Variants in PRKCB observed in about 807,000 individuals in gnomAD.
PRKCB encodes the protein protein kinase C beta.
In PRKCB, 13 loss-of-function variants were observed where a neutral mutation model predicts 81.5. The observed-to-expected ratio is 0.16, with a 90% CI of 0.10 to 0.25. PRKCB has a LOEUF of 0.25. Ranked by LOEUF, PRKCB falls within the 10% of genes least tolerant of loss-of-function variation. PRKCB has a pLI of 1.00. For synonymous variants in PRKCB, 335 were observed against 321.4 expected (o/e 1.04, Z -0.45); for missense variants, 509 against 875.7 (o/e 0.58, Z 5.29).
chr16:23,923,443 G>T (rs1963853532), intron 2 of PRKCB, among the ~76,000 whole-genome samples: 1 of 151,970 alleles, frequency 6.6e-6, no homozygotes, highest in African/African-American at 2.4e-5. Context: ...TAGCTACTAG[G>T]GCCAGTGAAA....
chr16:23,995,149 C>A (rs1156294109), intron 3 of PRKCB, among the ~76,000 whole-genome samples: 6 of 152,146 alleles, frequency 3.9e-5, no homozygotes, highest in Non-Finnish European at 2.9e-5. Flanking sequence ...TGCATCTGGA[C>A]CCTTCTACAT....
At chr16:23,962,500 G>T (rs953683715) in intron 2 of PRKCB, among the ~76,000 whole-genome samples, 1 of 152,100 alleles carries the variant, frequency 6.6e-6, no homozygotes, top group Non-Finnish European at 1.5e-5. Flanking sequence ...TCACTTATTT[G>T]GGAACCTCTA....
chr16:23,858,576 T>C (rs1962612472), intron 2 of PRKCB, among the ~76,000 whole-genome samples: 1 of 151,906 alleles, frequency 6.6e-6, no homozygotes. Flanking sequence ...AGTTTGCACA[T>C]GTGTAGATTT....
chr16:24,064,691 T>C (rs1325056900), intron 5 of PRKCB, among the ~76,000 whole-genome samples: 1 of 152,128 alleles, frequency 6.6e-6, no homozygotes, highest in Non-Finnish European at 1.5e-5. Context: ...CCTATTATGA[T>C]TCTGGGTTTT....
At chr16:24,167,100 C>A (rs148931549) in intron 10 of PRKCB, among the ~76,000 whole-genome samples, 50 of 150,732 alleles carry the variant, frequency 3.3e-4, no homozygotes, top group Non-Finnish European at 6.0e-4. Flanking sequence ...TTCTCTTCAA[C>A]GTGCAGCAAA....
intron 2 of PRKCB, among the ~76,000 whole-genome samples, chr16:23,976,495 C>T (rs1964628106): frequency 6.6e-6 from 1 of 152,214 alleles, no homozygotes; most frequent in Non-Finnish European, 1.5e-5. Flanking sequence ...CCCATGTCCA[C>T]CCTTAGAGCC....
chr16:24,112,396 G>T (rs139316866), intron 7 of PRKCB, among the ~76,000 whole-genome samples: 2 of 152,224 alleles, frequency 1.3e-5, no homozygotes, highest in African/African-American at 4.8e-5. Context: ...AATTAGCTGG[G>T]CATGGTGGCA....
intron 2 of PRKCB, among the ~76,000 whole-genome samples, chr16:23,863,155 T>C (rs1035611976): frequency 3.4e-5 from 5 of 147,210 alleles, no homozygotes; most frequent in African/African-American, 5.0e-5. Context: ...TGTATATATA[T>C]ACACATGCAT....
intron 12 of PRKCB, 129 bp from the exon 13 acceptor site, chr16:24,180,661 G>A: frequency 9.1e-7 from 1 of 1,103,536 alleles, no homozygotes. Flanking sequence ...GGAGGTCAAA[G>A]GCTGGTTTCT....
At chr16:24,015,609 C>T (rs1296651484) in intron 3 of PRKCB, among the ~76,000 whole-genome samples, 1 of 152,240 alleles carries the variant, frequency 6.6e-6, no homozygotes, top group East Asian at 1.9e-4. Flanking sequence ...CGCCTGGTTA[C>T]ACCCTCTAAT....
chr16:23,888,189 T>C (rs1433523921), intron 2 of PRKCB, among the ~76,000 whole-genome samples: 1 of 152,200 alleles, frequency 6.6e-6, no homozygotes, highest in African/African-American at 2.4e-5. Flanking sequence ...TTCTCACCAA[T>C]AAATCAATGC....
At chr16:23,973,298 C>T (rs1180070869) in intron 2 of PRKCB, among the ~76,000 whole-genome samples, 1 of 152,096 alleles carries the variant, frequency 6.6e-6, no homozygotes, top group African/African-American at 2.4e-5. Flanking sequence ...TCTCCTGCAT[C>T]AGCCTCCCAA....
chr16:23,874,913 G>A (rs1962969752), intron 2 of PRKCB, among the ~76,000 whole-genome samples: 1 of 151,908 alleles, frequency 6.6e-6, no homozygotes. Context: ...CTTAATACTT[G>A]CTCATGTTAA....
chr16:24,120,092 G>A (rs1185570971), intron 8 of PRKCB, among the ~76,000 whole-genome samples: 2 of 152,168 alleles, frequency 1.3e-5, no homozygotes, highest in East Asian at 3.9e-4. Flanking sequence ...AAAGAAGCCA[G>A]GCACAAGAGT....
At chr16:23,977,027 A>G (rs1964636158) in intron 2 of PRKCB, among the ~76,000 whole-genome samples, 1 of 152,212 alleles carries the variant, frequency 6.6e-6, no homozygotes, top group Admixed American at 6.5e-5. Flanking sequence ...GTTGCTGACC[A>G]CTGCAAAATT....
intron 2 of PRKCB, among the ~76,000 whole-genome samples, chr16:23,905,046 T>A (rs567926309): frequency 1.7e-5 from 1 of 58,394 alleles, no homozygotes; most frequent in East Asian, 5.6e-4. Context: ...TTTTTTCTTT[T>A]TTTTTTTTTT....
intron 2 of PRKCB, among the ~76,000 whole-genome samples, chr16:23,905,663 C>T (rs1963547948): frequency 6.6e-6 from 1 of 152,270 alleles, no homozygotes; most frequent in East Asian, 1.9e-4. Context: ...AGTAATTTTC[C>T]AAGCATGTGC....
At position 24,216,187 on chromosome 16, in the gene PRKCB, G is replaced by C. The variant is rs1438613525; in HGVS notation, c.*1371G>C. ...GTGGCCCATTCAGGGGCTGCTGGTGGGCTGTAGTGGGGTGGGATGACCTGG... is the reference window on the plus strand; with the variant it reads ...GTGGCCCATTCAGGGGCTGCTGGTGCGCTGTAGTGGGGTGGGATGACCTGG... On this transcript the variant is annotated 3_prime_UTR_variant, in exon 17 of 17. Coordinates refer to ENST00000643927, the MANE Select transcript of PRKCB (RefSeq NM_002738.7). 1.0e-6 allele frequency: 1 copy of C among 985,356 alleles called. No individual in the cohort carries two copies. Among genetic ancestry groups the C allele is most frequent in the East Asian group, 1.1e-4 (1 of 8,824 alleles). 61.0% of individuals were successfully genotyped at this position (985,356 alleles called of 1,614,324 possible). A position where few individuals can be genotyped will look rare whatever the true frequency, so the allele number is the denominator to read the frequency against.
Position 24,215,484 on chromosome 16 carries a change from G to C in PRKCB, c.*668G>C. 11 of 985,700 alleles carry C rather than the reference G, an allele frequency of 1.1e-5. No homozygotes were observed. The highest frequency in any genetic ancestry group is 1.3e-5 in the Non-Finnish European group (11 of 829,928). 61.1% of individuals were successfully genotyped at this position (985,700 alleles called of 1,614,324 possible). On this transcript the variant is annotated 3_prime_UTR_variant, in exon 17 of 17. Coordinates refer to ENST00000643927, the MANE Select transcript of PRKCB (RefSeq NM_002738.7). ...GTAGTTTCTGATACTTTATGTCTTTGCTCACCCTCATCCCCAAACTACTTG... is the reference window on the plus strand; with the variant it reads ...GTAGTTTCTGATACTTTATGTCTTTCCTCACCCTCATCCCCAAACTACTTG...
Sources: gnomAD v4.1 joint callset for allele counts (sites outside exome capture counted in the v4.1 genomes callset) on GRCh38, gnomAD v4.1.1 for gene constraint, MANE v1.5 for transcripts, NCBI Gene and HGNC (gene_info 2026-07-23, HGNC 2026-07-21) for gene names.